NR6A1: variants seen among roughly 807,000 people sequenced by gnomAD.
NR6A1 encodes nuclear receptor subfamily 6 group A member 1, also known as retinoic acid receptor-related testis-associated receptor.
In NR6A1, 7 loss-of-function variants were observed where a neutral mutation model predicts 59.1. That is an observed-to-expected ratio of 0.12 (90% CI 0.07 to 0.22). NR6A1 has a LOEUF of 0.22. Ranked by LOEUF, NR6A1 falls within the 10% of genes least tolerant of loss-of-function variation. The pLI is 1.00. For synonymous variants in NR6A1, 243 were observed against 236.1 expected (o/e 1.03, Z -0.27); for missense variants, 468 against 611.6 (o/e 0.77, Z 2.48).
chr9:124,673,900 A>AC (rs1186891784), intron 2 of NR6A1, among the ~76,000 whole-genome samples: 2 of 152,144 alleles, frequency 1.3e-5, no homozygotes, highest in Non-Finnish European at 2.9e-5. Flanking sequence ...TCTGAGATTC[A>AC]CCTCATTGTT....
intron 2 of NR6A1, among the ~76,000 whole-genome samples, chr9:124,635,834 G>A (rs1836595140): frequency 1.3e-5 from 2 of 152,204 alleles, no homozygotes; most frequent in Admixed American, 1.3e-4. Context: ...TCATCCATAT[G>A]CAGGTTTCTG....
intron 3 of NR6A1, among the ~76,000 whole-genome samples, chr9:124,553,131 T>C (rs1013120198): frequency 5.3e-5 from 8 of 152,188 alleles, no homozygotes; most frequent in Non-Finnish European, 8.8e-5. Flanking sequence ...ATTGGAGATA[T>C]AAAGCAAACT....
chr9:124,566,557 A>C (rs1362046080), intron 2 of NR6A1, among the ~76,000 whole-genome samples: 1 of 152,208 alleles, frequency 6.6e-6, no homozygotes. Context: ...TGGGAGATAC[A>C]TCTTGAAAAC....
chr9:124,723,409 C>T (rs1461526322), intron 2 of NR6A1, among the ~76,000 whole-genome samples: 1 of 152,194 alleles, frequency 6.6e-6, no homozygotes, highest in Admixed American at 6.5e-5. Context: ...CTAACAGTCA[C>T]TGAGATGGTA....
chr9:124,654,917 C>CCAAACAAA (rs1262320849), intron 2 of NR6A1, among the ~76,000 whole-genome samples: 1 of 146,604 alleles, frequency 6.8e-6, no homozygotes, highest in Non-Finnish European at 1.5e-5. Context: ...CACACACCTG[C>CCAAACAAA]CAAACAAACA....
chr9:124,676,431 C>T (rs1408313344), intron 2 of NR6A1, among the ~76,000 whole-genome samples: 4 of 151,934 alleles, frequency 2.6e-5, no homozygotes, highest in African/African-American at 7.3e-5. Flanking sequence ...GACTTTCTTG[C>T]CTTTTATTTA....
intron 2 of NR6A1, among the ~76,000 whole-genome samples, chr9:124,654,391 T>G (rs1468897186): frequency 6.6e-6 from 1 of 152,172 alleles, no homozygotes; most frequent in Non-Finnish European, 1.5e-5. Context: ...AATTTCTTAC[T>G]ATAGCTTACA....
chr9:124,750,450 T>C (rs1003467885), intron 1 of NR6A1, among the ~76,000 whole-genome samples: 2 of 152,112 alleles, frequency 1.3e-5, no homozygotes, highest in East Asian at 1.9e-4. Flanking sequence ...TAGAAATACA[T>C]AAAGGCATCT....
At chr9:124,733,667 G>C (rs1317999201) in intron 1 of NR6A1, among the ~76,000 whole-genome samples, 1 of 152,184 alleles carries the variant, frequency 6.6e-6, no homozygotes, top group Non-Finnish European at 1.5e-5. Context: ...AGTTATCATG[G>C]CAATGTCCGT....
chr9:124,637,495 A>G (rs1488530058), intron 2 of NR6A1, among the ~76,000 whole-genome samples: 1 of 152,168 alleles, frequency 6.6e-6, no homozygotes, highest in East Asian at 1.9e-4. Flanking sequence ...CCATATAGGT[A>G]TTTTCTCCTC....
chr9:124,538,021 G>A (rs1738356165), intron 6 of NR6A1, 71 bp downstream of exon 6: 6 of 1,291,830 alleles, frequency 4.6e-6, no homozygotes, highest in African/African-American at 1.5e-5. Flanking sequence ...ATAGGAGCCA[G>A]GGACGCGAGT....
At chr9:124,681,191 T>C (rs547365436) in intron 2 of NR6A1, among the ~76,000 whole-genome samples, 1 of 152,336 alleles carries the variant, frequency 6.6e-6, no homozygotes, top group Non-Finnish European at 1.5e-5. Context: ...GCCCATTTTT[T>C]TCATTGACTA....
chr9:124,736,641 G>A (rs780389155), intron 1 of NR6A1, among the ~76,000 whole-genome samples: 3 of 151,980 alleles, frequency 2.0e-5, no homozygotes, highest in South Asian at 2.1e-4. Context: ...CCCAGGAGTC[G>A]GAGACCAGCC....
At chr9:124,618,170 G>A (rs980475836) in intron 2 of NR6A1, among the ~76,000 whole-genome samples, 4 of 152,178 alleles carry the variant, frequency 2.6e-5, no homozygotes, top group African/African-American at 9.7e-5. Context: ...GAAGGATACT[G>A]TAAGCAGCAA....
At chr9:124,605,242 T>A (rs1835546183) in intron 2 of NR6A1, among the ~76,000 whole-genome samples, 1 of 152,140 alleles carries the variant, frequency 6.6e-6, no homozygotes, top group Non-Finnish European at 1.5e-5. Flanking sequence ...GTGTGGTAAA[T>A]TCAGCAAGAC....
intron 2 of NR6A1, among the ~76,000 whole-genome samples, chr9:124,664,855 A>G (rs1837559101): frequency 6.6e-6 from 1 of 151,984 alleles, no homozygotes; most frequent in Admixed American, 6.6e-5. Flanking sequence ...TGGGATAACC[A>G]TGGGCCAGAA....
At chr9:124,642,632 T>C (rs534511315) in intron 2 of NR6A1, among the ~76,000 whole-genome samples, 3 of 152,232 alleles carry the variant, frequency 2.0e-5, no homozygotes, top group South Asian at 4.1e-4. Context: ...TCAACCCCAG[T>C]TGAGAGCCAT....
intron 2 of NR6A1, chr9:124,658,726 T>A (rs542183524): frequency 2.6e-5 from 4 of 152,352 alleles, no homozygotes; most frequent in Admixed American, 2.6e-4. Context: ...CAGGACTACT[T>A]CGGTTCTTTT....
intron 1 of NR6A1, among the ~76,000 whole-genome samples, chr9:124,752,365 AT>A (rs1225620001): frequency 6.6e-6 from 1 of 152,184 alleles, no homozygotes; most frequent in Admixed American, 6.5e-5. Flanking sequence ...TAAACAATCA[AT>A]TTTTTTAAAA....
Sources: gnomAD v4.1 joint callset for allele counts (sites outside exome capture counted in the v4.1 genomes callset) on GRCh38, gnomAD v4.1.1 for gene constraint, MANE v1.5 for transcripts, NCBI Gene and HGNC (gene_info 2026-07-23, HGNC 2026-07-21) for gene names.